PXK: variants seen among roughly 807,000 people sequenced by gnomAD.
PXK encodes PX domain-containing protein kinase-like protein.
PXK carries 35 observed loss-of-function variants against 84.7 expected under a neutral mutation model. That is an observed-to-expected ratio of 0.41 (90% CI 0.32 to 0.55). The LOEUF is 0.55. Ranked by LOEUF, PXK falls within the 20% of genes least tolerant of loss-of-function variation. The probability of loss-of-function intolerance (pLI) is 0.21; values close to 1 mark genes in which losing one functional copy is unlikely to be tolerated. For synonymous variants in PXK, 253 were observed against 260.8 expected (o/e 0.97, Z 0.29); for missense variants, 634 against 699.7 (o/e 0.91, Z 1.06).
chr3:58,403,005 A>AC (rs1487502980), intron 12 of PXK, among the ~76,000 whole-genome samples: 1 of 135,122 alleles, frequency 7.4e-6, no homozygotes, highest in Non-Finnish European at 1.6e-5. Context: ...GCAATAACAT[A>AC]CCCTTTTTTT....
intron 1 of PXK, among the ~76,000 whole-genome samples, chr3:58,352,946 A>G (rs1281933825): frequency 6.6e-6 from 1 of 152,144 alleles, no homozygotes; most frequent in African/African-American, 2.4e-5. Context: ...CGTGTTTGCA[A>G]TGTGTGCTTC....
intron 1 of PXK, among the ~76,000 whole-genome samples, chr3:58,342,383 C>G (rs546280495): frequency 7.2e-5 from 11 of 152,064 alleles, no homozygotes; most frequent in Admixed American, 2.0e-4. Context: ...TGGCTCTTGC[C>G]TGTAATCATA....
At chr3:58,337,627 A>C (rs999090408) in intron 1 of PXK, among the ~76,000 whole-genome samples, 54 of 152,036 alleles carry the variant, frequency 3.6e-4, no homozygotes, top group African/African-American at 1.3e-3. Context: ...GCACCACCAT[A>C]CCTGGCTAAT....
Position 58,397,247 on chromosome 3 carries a change from G to A in PXK, c.984+47G>A, listed in dbSNP as rs373629839. The stretch of plus-strand genomic sequence containing the variant: ...ATAGCAGGTTCATTTTTAGGTGTCA[G>A]TTATCCCCATGATCTGCCCATGTAG... On this transcript the variant is annotated intron_variant, in intron 10 of 17. Coordinates refer to ENST00000356151, the MANE Select transcript of PXK (RefSeq NM_017771.5). This position sits in a 1 kb window ranked among gnomAD's most constrained non-coding sequence, Gnocchi z 4.7. The A allele has an allele frequency of 9.6e-5, 152 of 1,583,698 alleles. No individual in the cohort carries two copies. The African/African-American group carries it at 1.9e-3, about 20-fold the overall frequency.
Position 58,370,896 on chromosome 3 carries a change from G to C in PXK, c.201+1418G>C, listed in dbSNP as rs552357617. Among the ~76,000 whole-genome samples, 1 of 152,178 alleles carries C rather than the reference G, an allele frequency of 6.6e-6. No individual in the cohort carries two copies. The highest frequency in any genetic ancestry group is 2.4e-5 in the African/African-American group (1 of 41,440). ...GCCTGTAATCCCAGCTACTCAGGGG[G>C]CTGAGGCAGGAGAACCGCCTGAACC... On this transcript the variant is annotated intron_variant, in intron 3 of 17. Transcript: ENST00000356151. This position sits in a 1 kb window ranked among gnomAD's most constrained non-coding sequence, Gnocchi z 4.2.
chr3:58,366,726 A>G (rs2098277606), intron 2 of PXK, among the ~76,000 whole-genome samples: 1 of 152,210 alleles, frequency 6.6e-6, no homozygotes, highest in Non-Finnish European at 1.5e-5. Context: ...TATATTTAAC[A>G]TCTATTGAGC....
chr3:58,337,268 AT>A (rs2107657838), intron 1 of PXK, among the ~76,000 whole-genome samples: 1 of 152,350 alleles, frequency 6.6e-6, no homozygotes, highest in East Asian at 1.9e-4. Context: ...ATAATATTAC[AT>A]GTTAAAATCT....
intron 2 of PXK, among the ~76,000 whole-genome samples, chr3:58,368,664 G>A (rs2098316269): frequency 1.3e-5 from 2 of 152,146 alleles, no homozygotes; most frequent in South Asian, 2.1e-4. Context: ...AAAGTACTTA[G>A]CATGCCAAAG....
chr3:58,423,512 G>T (rs1021095888), intron 17 of PXK: 15 of 1,535,516 alleles, frequency 9.8e-6, no homozygotes, highest in Middle Eastern at 1.7e-4. Context: ...ATTTTCTATT[G>T]TAAGACTTTA....
rs1022955397 is a variant in PXK, at chr3:58,411,013, C to T, written c.1465+854C>T. ...CAAGGGGTTAGCATCCAAAGCCCAGCTATCAGTCTCAACTTTGAGGAAACC... is the reference window on the plus strand; with the variant it reads ...CAAGGGGTTAGCATCCAAAGCCCAGTTATCAGTCTCAACTTTGAGGAAACC... On this transcript the variant is annotated intron_variant, in intron 16 of 17. Coordinates refer to ENST00000356151, the MANE Select transcript of PXK (RefSeq NM_017771.5). This position sits in a 1 kb window ranked among gnomAD's most constrained non-coding sequence, Gnocchi z 4.2. Among the ~76,000 whole-genome samples the T allele has an allele frequency of 6.6e-6, 1 of 152,168 alleles. No individual in the cohort carries two copies. The highest frequency in any genetic ancestry group is 1.5e-5 in the Non-Finnish European group (1 of 68,038).
chr3:58,372,990 CAG>C (rs2098398737), intron 3 of PXK, among the ~76,000 whole-genome samples: 2 of 151,696 alleles, frequency 1.3e-5, no homozygotes, highest in Admixed American at 1.3e-4. Flanking sequence ...GGGAACTGGG[CAG>C]AGAGAGAAAG....
At chr3:58,382,013 A>C (rs1477750857) in intron 3 of PXK, among the ~76,000 whole-genome samples, 1 of 152,168 alleles carries the variant, frequency 6.6e-6, no homozygotes, top group Non-Finnish European at 1.5e-5. Context: ...AAAAAAATAA[A>C]GTTTTAAAAT....
In PXK at chr3:58,407,094, A is replaced by G. The variant is rs574761300; in HGVS notation, c.1231-1830A>G. ...TGTATACCCAGAAGTGGAATTCCTC[A>G]TATGGTAGTTCCATTTTGTAGTTTT... On this transcript the variant is annotated intron_variant, in intron 13 of 17. Coordinates refer to ENST00000356151, the MANE Select transcript of PXK (RefSeq NM_017771.5). This position sits in a 1 kb window ranked among gnomAD's most constrained non-coding sequence, Gnocchi z 4.3. Among the ~76,000 whole-genome samples the G allele has an allele frequency of 3.7e-4, 56 of 152,180 alleles. No individual in the cohort carries two copies. Among genetic ancestry groups the G allele is most frequent in the Non-Finnish European group, 6.5e-4 (44 of 68,032 alleles).
Position 58,421,426 on chromosome 3 carries a change from C to G in PXK, c.1529-3326C>G. On this transcript the variant is annotated intron_variant, in intron 17 of 17. Coordinates refer to ENST00000356151, the MANE Select transcript of PXK (RefSeq NM_017771.5). The surrounding 1 kb of genome is among the most constrained non-coding windows in gnomAD (Gnocchi z 5.5). ...TGAAACCCCATCTGTACTAAAAATA[C>G]AAAAATTAGGTGGGCATGGTACCAC... 8 of 823,828 alleles carry G rather than the reference C, an allele frequency of 9.7e-6. No individual in the cohort carries two copies. The highest frequency in any genetic ancestry group is 1.0e-5 in the Non-Finnish European group (7 of 682,660). The allele number at this position is 823,828 out of a possible 1,614,324, so 51.0% of individuals were successfully genotyped here. A position where few individuals can be genotyped will look rare whatever the true frequency, so the allele number is the denominator to read the frequency against.
At chr3:58,346,362 T>TA (rs1430351978) in intron 1 of PXK, among the ~76,000 whole-genome samples, 2 of 151,862 alleles carry the variant, frequency 1.3e-5, no homozygotes, top group African/African-American at 4.8e-5. Context: ...ACAGTGAAGT[T>TA]AGAGAGGCCA....
In PXK at chr3:58,411,756, T is replaced by C. The variant is rs148340441; in HGVS notation, c.1466-1145T>C. Among the ~76,000 whole-genome samples the C allele has an allele frequency of 2.9e-3, 437 of 152,226 alleles. 1 individual carries two copies. The highest frequency in any genetic ancestry group is 0.01 in the African/African-American group (423 of 41,524). On this transcript the variant is annotated intron_variant, in intron 16 of 17. Coordinates refer to ENST00000356151, the MANE Select transcript of PXK (RefSeq NM_017771.5). This position sits in a 1 kb window ranked among gnomAD's most constrained non-coding sequence, Gnocchi z 4.2. Reference sequence around the variant, plus strand: ...GGATATATACAGATAATTCCCAAACTTTACTGGAGTCAAGCAGTGAAGCTT... The same window carrying C: ...GGATATATACAGATAATTCCCAAACCTTACTGGAGTCAAGCAGTGAAGCTT...
At chr3:58,387,344 T>C (rs1478855137) in intron 4 of PXK, among the ~76,000 whole-genome samples, 1 of 152,252 alleles carries the variant, frequency 6.6e-6, no homozygotes, top group East Asian at 1.9e-4. Context: ...CTGAACACAA[T>C]TGAACCCTTG....
At chr3:58,396,998 T>G in intron 9 of PXK, 41 bp from the exon 10 acceptor site, 48 of 1,572,112 alleles carry the variant, frequency 3.1e-5, no homozygotes, top group Non-Finnish European at 3.7e-5. Context: ...TATATCTGAA[T>G]GAGTTTGGGG....
Position 58,397,360 on chromosome 3 carries a change from G to T in PXK, c.984+160G>T, listed in dbSNP as rs2057851349. Among the ~76,000 whole-genome samples, 1 of 152,206 alleles carries T rather than the reference G, an allele frequency of 6.6e-6. No homozygotes were observed. The highest frequency in any genetic ancestry group is 1.5e-5 in the Non-Finnish European group (1 of 68,044). On this transcript the variant is annotated intron_variant, in intron 10 of 17. Transcript: ENST00000356151. The surrounding 1 kb of genome is among the most constrained non-coding windows in gnomAD (Gnocchi z 4.7). ...CGTTGCTGTATCTCTGGGAGGCTGA[G>T]TTGAAATGGCGGGTGGGGTAAGGAG...
Sources: gnomAD v4.1 joint callset for allele counts (sites outside exome capture counted in the v4.1 genomes callset) on GRCh38, gnomAD v4.1.1 for gene constraint, Gnocchi (gnomAD v3.1) non-coding constraint, MANE v1.5 for transcripts, NCBI Gene and HGNC (gene_info 2026-07-23, HGNC 2026-07-21) for gene names.